The following FGF13 variants were observed in gnomAD, a reference collection of about 807,000 sequenced individuals.
FGF13 encodes fibroblast growth factor 13, also known as fibroblast growth factor homologous factor 2.
FGF13 carries 2 observed loss-of-function variants against 19.5 expected under a neutral mutation model. That is an observed-to-expected ratio of 0.10 (90% CI 0.04 to 0.32). The LOEUF is 0.32. FGF13 is among the 10% of genes least tolerant of loss of function. The pLI, the probability that FGF13 is intolerant of heterozygous loss-of-function variation, is 1.00. For missense variants in FGF13, 113 were observed against 192.7 expected (o/e 0.59, Z 2.45); for synonymous variants, 72 against 76.9 (o/e 0.94, Z 0.33).
At chrX:139,179,329 C>T (rs1037212902) in intron 1 of FGF13, among the ~76,000 whole-genome samples, 5 of 111,456 alleles carry the variant, frequency 4.5e-5, no homozygotes, top group Non-Finnish European at 9.4e-5. Flanking sequence ...TTTTCCCATT[C>T]GAAGAATCAT....
Position 138,660,975 on chromosome X carries a change from T to C in FGF13, c.403-25320A>G, listed in dbSNP as rs189872621. Among the ~76,000 whole-genome samples, 162 of 111,779 alleles carry C rather than the reference T, an allele frequency of 1.4e-3. 1 individual carries two copies. Among genetic ancestry groups the C allele is most frequent in the African/African-American group, 4.9e-3 (152 of 30,842 alleles). ...ATTTCTGTCCCCAAACAGTATGTTA[T>C]ACAATCCAAAGGTCCAACAGAAACA... On this transcript the variant is annotated intron_variant, in intron 3 of 4. Coordinates refer to ENST00000315930, the MANE Select transcript of FGF13 (RefSeq NM_004114.5).
At chrX:139,032,786 G>A (rs915140531) in intron 1 of FGF13, among the ~76,000 whole-genome samples, 2 of 109,583 alleles carry the variant, frequency 1.8e-5, no homozygotes, top group African/African-American at 3.3e-5. Context: ...GAAGAACCAC[G>A]ACAACTGAGA....
At chrX:138,854,290 A>G (rs752618960), downstream of FGF13, among the ~76,000 whole-genome samples, 19 of 111,800 alleles carry the variant, frequency 1.7e-4, no homozygotes, top group Non-Finnish European at 3.6e-4. Context: ...CAGATTAAAA[A>G]TTTTTTTGGA....
At chrX:139,167,951 T>G (rs758159712) in intron 1 of FGF13, among the ~76,000 whole-genome samples, 2 of 112,292 alleles carry the variant, frequency 1.8e-5, no homozygotes, top group Non-Finnish European at 3.8e-5. Context: ...TCAAAAATCA[T>G]ACAATTGTAG....
At chrX:138,845,578 T>G in intron 3 of FGF13, among the ~76,000 whole-genome samples, 1 of 111,808 alleles carries the variant, frequency 8.9e-6, no homozygotes, top group Non-Finnish European at 1.9e-5. Context: ...AATGGAGTCC[T>G]GACTGGGAAG....
At chrX:138,899,850 C>T (rs772096055) in intron 1 of FGF13, among the ~76,000 whole-genome samples, 32 of 111,534 alleles carry the variant, frequency 2.9e-4, no homozygotes, top group African/African-American at 1.0e-3. Context: ...CAATTAGAAG[C>T]ATGAAGCAGA....
chrX:138,710,761 C>A, intron 1 of FGF13, 56 bp downstream of exon 1: 1 of 1,193,488 alleles, frequency 8.4e-7, no homozygotes, highest in Non-Finnish European at 1.1e-6. Context: ...CTGCTCCCCA[C>A]CGCCCCCACC....
intron 1 of FGF13, among the ~76,000 whole-genome samples, chrX:138,971,157 G>A (rs1346533960): frequency 2.7e-5 from 3 of 111,673 alleles, no homozygotes; most frequent in Non-Finnish European, 5.6e-5. Context: ...GGGGCCTGGA[G>A]TCAAAAATAG....
chrX:139,052,520 T>C (rs369362003), intron 1 of FGF13, among the ~76,000 whole-genome samples: 89 of 112,191 alleles, frequency 7.9e-4, no homozygotes, highest in African/African-American at 2.4e-3. Context: ...CAATTTCCCA[T>C]TGAAACTCTT....
In FGF13 at chrX:139,036,067, A is replaced by G. The variant is rs2124398898; in HGVS notation, c.-113+167349T>C. Among the ~76,000 whole-genome samples, 2 of 112,138 alleles carry G rather than the reference A, an allele frequency of 1.8e-5. 1 individual carries two copies. The highest frequency in any genetic ancestry group is 7.4e-4 in the South Asian group (2 of 2,687). On this transcript the variant is annotated intron_variant, in intron 1 of 2. Coordinates refer to the FGF13 transcript ENST00000421460. ...AAGATCACAGAGAAAGTCACTAGTG[A>G]TCTATGGAATAATAGTGCACCTGAC...
chrX:139,090,421 C>T (rs945724068), intron 1 of FGF13, among the ~76,000 whole-genome samples: 5 of 111,312 alleles, frequency 4.5e-5, no homozygotes, highest in Non-Finnish European at 1.9e-5. Context: ...ACGTAGTAAG[C>T]AATACCCAAT....
rs372034557 is a variant in FGF13 at position 139,061,740 on chromosome X, T to G, written c.-113+141676A>C. ...CCTTGCCAACTCTTATTAACTTTTG[T>G]TTTTTTGATAATAGCCACAGTAAAG... On this transcript the variant is annotated intron_variant, in intron 1 of 2. Coordinates refer to the FGF13 transcript ENST00000421460. Among the ~76,000 whole-genome samples the G allele has an allele frequency of 7.2e-4, 80 of 111,650 alleles. 1 individual carries two copies. The South Asian group carries it at 0.029, about 40-fold the overall frequency.
At chrX:138,769,449 A>G (rs1235280200) in intron 3 of FGF13, among the ~76,000 whole-genome samples, 3 of 112,119 alleles carry the variant, frequency 2.7e-5, no homozygotes, top group Non-Finnish European at 5.6e-5. Context: ...CAAATGAGAT[A>G]ACAATTGTAA....
rs761286821 is a variant in FGF13, at chrX:138,722,489, T to G, written c.29-13561A>C. ...CCATGAGAGGACAGGGGCCTGGGTT[T>G]AATTTTCAGAGCTACATATATGTTT... On this transcript the variant is annotated intron_variant, in intron 1 of 4. Transcript: ENST00000305414. Among the ~76,000 whole-genome samples the G allele has an allele frequency of 2.0e-3, 220 of 111,103 alleles. 2 individuals are homozygous for G. Among genetic ancestry groups the G allele is most frequent in the African/African-American group, 7.0e-3 (214 of 30,678 alleles).
At chrX:138,710,423 T>TCC (rs2090033425) in intron 1 of FGF13, among the ~76,000 whole-genome samples, 3 of 111,010 alleles carry the variant, frequency 2.7e-5, no homozygotes, top group Non-Finnish European at 5.7e-5. Flanking sequence ...AGAGAGGGAT[T>TCC]CCCCAGGCTC....
intron 3 of FGF13, among the ~76,000 whole-genome samples, chrX:138,689,267 CTATTAT>C (rs1290040496): frequency 8.9e-6 from 1 of 111,986 alleles, no homozygotes; most frequent in Non-Finnish European, 1.9e-5. Flanking sequence ...CATTTCTTTA[CTATTAT>C]TATCTCTCAT....
chrX:138,919,947 G>A (rs2091636250), intron 1 of FGF13, among the ~76,000 whole-genome samples: 1 of 111,223 alleles, frequency 9.0e-6, no homozygotes, highest in Admixed American at 9.6e-5. Flanking sequence ...AATACTGGAG[G>A]AGGCTGGGGA....
chrX:138,846,160 A>G (rs932271846), intron 3 of FGF13, among the ~76,000 whole-genome samples: 1 of 105,299 alleles, frequency 9.5e-6, no homozygotes, highest in Non-Finnish European at 2.0e-5. Flanking sequence ...CAAATAAACT[A>G]TTTTAAATAG....
At chrX:138,837,425 G>T (rs1028429043) in intron 3 of FGF13, among the ~76,000 whole-genome samples, 1 of 111,708 alleles carries the variant, frequency 9.0e-6, no homozygotes, top group Non-Finnish European at 1.9e-5. Flanking sequence ...AAATGGGGTT[G>T]GGGACCCACT....
Sources: allele counts gnomAD v4.1 joint callset (sites outside exome capture counted in the v4.1 genomes callset), GRCh38; gene constraint gnomAD v4.1.1; transcripts MANE v1.5; gene names NCBI Gene and HGNC (gene_info 2026-07-23, HGNC 2026-07-21).